Variants in DYTN observed in about 807,000 individuals in gnomAD.
DYTN encodes the protein dystrotelin.
A neutral mutation model predicts 69.6 loss-of-function variants in DYTN; 75 were observed. That is an observed-to-expected ratio of 1.08 (90% CI 0.89 to 1.31). The LOEUF (loss-of-function observed/expected upper bound fraction) is 1.31, where lower values mean the gene tolerates loss of function less well. Ranked by LOEUF, DYTN falls within the 50% of genes most tolerant of loss-of-function variation. The pLI, the probability that DYTN is intolerant of heterozygous loss-of-function variation, is 0.00. For synonymous variants in DYTN, 252 were observed against 249.1 expected, an observed-to-expected ratio of 1.01 and a Z score of -0.11; for missense variants, 726 against 688.4, an observed-to-expected ratio of 1.05 and a Z score of -0.61.
At chr2:206,712,909 G>A (rs575918832) in intron 1 of DYTN, among the ~76,000 whole-genome samples, 5 of 152,300 alleles carry the variant, frequency 3.3e-5, no homozygotes, top group South Asian at 2.1e-4. Flanking sequence ...TATCAGGGAA[G>A]CAGAATTTTT....
intron 2 of DYTN, among the ~76,000 whole-genome samples, chr2:206,708,825 T>C (rs1029407023): frequency 2.0e-5 from 3 of 152,242 alleles, no homozygotes; most frequent in African/African-American, 7.2e-5. Flanking sequence ...ACTGATTTTG[T>C]GTATTGTTAA....
chr2:206,671,947 A>C (rs575799943), intron 9 of DYTN, among the ~76,000 whole-genome samples: 1 of 152,366 alleles, frequency 6.6e-6, no homozygotes, highest in Non-Finnish European at 1.5e-5. Flanking sequence ...ACATAGCCGT[A>C]TGTGCCTCCT....
chr2:206,655,547 C>G (rs187066315), intron 11 of DYTN, among the ~76,000 whole-genome samples: 225 of 151,810 alleles, frequency 1.5e-3, no homozygotes, highest in Non-Finnish European at 2.4e-3. Flanking sequence ...GTAGCTGGGA[C>G]TGCAGGCACG....
intron 11 of DYTN, among the ~76,000 whole-genome samples, chr2:206,661,907 T>G (rs1473482104): frequency 1.3e-5 from 2 of 152,222 alleles, no homozygotes; most frequent in African/African-American, 4.8e-5. Context: ...TGACTTACTA[T>G]TTTTTAAATT....
chr2:206,679,531 A>G (rs1025395008), intron 9 of DYTN, among the ~76,000 whole-genome samples: 3 of 152,236 alleles, frequency 2.0e-5, no homozygotes, highest in African/African-American at 7.2e-5. Flanking sequence ...GAAAGAACAT[A>G]TAATATATCA....
In DYTN at chr2:206,706,916, AC is replaced by A. The variant is rs919571543; in HGVS notation, c.296+385del. Among the ~76,000 whole-genome samples the A allele has an allele frequency of 7.4e-4, 112 of 151,882 alleles. 1 individual carries two copies. In the East Asian group the frequency reaches 0.015, roughly 20 times the overall value. On this transcript the variant is annotated intron_variant, in intron 3 of 11. Coordinates refer to ENST00000452335, the MANE Select transcript of DYTN (RefSeq NM_001093730.1). ...TATTCTAGCTAAAAAAAAAAAAAAAACAATTGATAATGGTTTACAAAGAAAT... is the reference window on the plus strand; with the variant it reads ...TATTCTAGCTAAAAAAAAAAAAAAAAAATTGATAATGGTTTACAAAGAAAT...
At chr2:206,695,057 C>T (rs1365952498) in intron 7 of DYTN, among the ~76,000 whole-genome samples, 180 bp from the exon 8 acceptor site, 1 of 152,108 alleles carries the variant, frequency 6.6e-6, no homozygotes, top group Non-Finnish European at 1.5e-5. Flanking sequence ...CGTTTGTTTA[C>T]TCAAATACAT....
Position 206,651,913 on chromosome 2 carries a change from A to G in DYTN, c.1642T>C (p.Ser548Pro). The change falls in exon 12 of 12, where the codon TCT becomes CCT. Residue 548 changes from serine to proline, a missense_variant. Transcript: ENST00000452335. ...CTGTACAGGTCCATGTTTACTGAAG[A>G]CTCCGGGCCTGAAATCAACAAACAA... Reference protein sequence around the residue: ...FNLETPSGPESSVNMDLYSGA... With the variant: ...FNLETPSGPEPSVNMDLYSGA... 3 of 1,611,532 alleles carry G rather than the reference A, an allele frequency of 1.9e-6. No individual in the cohort carries two copies. Among genetic ancestry groups the G allele is most frequent in the Non-Finnish European group, 2.5e-6 (3 of 1,178,580 alleles).
chr2:206,668,498 C>T (rs2105889941), intron 9 of DYTN, among the ~76,000 whole-genome samples: 1 of 152,308 alleles, frequency 6.6e-6, no homozygotes, highest in East Asian at 1.9e-4. Flanking sequence ...ACAAACAATT[C>T]AGGTTATCTA....
intron 3 of DYTN, among the ~76,000 whole-genome samples, chr2:206,707,092 T>C (rs4675625): frequency 0.16 from 24,515 of 152,118 alleles, 2,063 homozygotes; most frequent in East Asian, 0.21. Flanking sequence ...TCTCTCCCTC[T>C]TTTTGCTATC....
At chr2:206,671,609 G>A (rs911823643) in intron 9 of DYTN, among the ~76,000 whole-genome samples, 2 of 152,186 alleles carry the variant, frequency 1.3e-5, no homozygotes, top group African/African-American at 4.8e-5. Context: ...TCTATATATG[G>A]TGGAGATAGA....
chr2:206,693,894 T>C (rs148400007), intron 8 of DYTN, among the ~76,000 whole-genome samples: 8 of 152,320 alleles, frequency 5.3e-5, no homozygotes, highest in African/African-American at 9.6e-5. Context: ...CCAAGACTTT[T>C]AGCACTAGGA....
intron 9 of DYTN, among the ~76,000 whole-genome samples, chr2:206,671,048 G>C (rs1192536900): frequency 1.3e-5 from 2 of 152,090 alleles, no homozygotes; most frequent in Admixed American, 1.3e-4. Flanking sequence ...TGTCACTTAG[G>C]AATTCCCCAC....
intron 9 of DYTN, among the ~76,000 whole-genome samples, chr2:206,669,588 T>C (rs1699609245): frequency 6.6e-6 from 1 of 152,214 alleles, no homozygotes; most frequent in African/African-American, 2.4e-5. Context: ...TCAAAGGGAA[T>C]ATTTAGTTTA....
intron 4 of DYTN, among the ~76,000 whole-genome samples, 169 bp downstream of exon 4, chr2:206,705,619 A>G (rs1700017326): frequency 6.6e-6 from 1 of 152,246 alleles, no homozygotes; most frequent in South Asian, 2.1e-4. Flanking sequence ...TAGGAAGTGT[A>G]AATTTTGAAA....
At chr2:206,659,164 C>CTTTTTTT (rs758156864) in intron 11 of DYTN, among the ~76,000 whole-genome samples, 3 of 54,274 alleles carry the variant, frequency 5.5e-5, no homozygotes, top group Admixed American at 2.7e-4. Context: ...CTCACAGTCT[C>CTTTTTTT]TTTTTTTTTT....
At chr2:206,698,825 T>G (rs190761606) in intron 7 of DYTN, among the ~76,000 whole-genome samples, 1 of 152,230 alleles carries the variant, frequency 6.6e-6, no homozygotes, top group East Asian at 1.9e-4. Context: ...GTTGTTCTCA[T>G]GAATGCTGAT....
chr2:206,658,161 T>A (rs1009711728), intron 11 of DYTN, among the ~76,000 whole-genome samples: 1 of 152,116 alleles, frequency 6.6e-6, no homozygotes, highest in African/African-American at 2.4e-5. Context: ...TTTAGTTCAA[T>A]TATTACATTC....
chr2:206,695,975 T>G (rs553189467), intron 7 of DYTN, among the ~76,000 whole-genome samples: 2 of 152,342 alleles, frequency 1.3e-5, no homozygotes, highest in South Asian at 4.1e-4. Flanking sequence ...AAGATTCCAG[T>G]GCTCTTAAAT....
Sources: gnomAD v4.1 joint callset for allele counts (sites outside exome capture counted in the v4.1 genomes callset) on GRCh38, gnomAD v4.1.1 for gene constraint, MANE v1.5 for transcripts, NCBI Gene and HGNC (gene_info 2026-07-23, HGNC 2026-07-21) for gene names.